Variants in CNOT2 observed in about 807,000 individuals in gnomAD.
CNOT2 encodes CCR4-NOT transcription complex subunit 2.
A neutral mutation model predicts 72.1 loss-of-function variants in CNOT2; 7 were observed. The observed-to-expected ratio is 0.10, with a 90% CI of 0.06 to 0.18. The LOEUF is 0.18. CNOT2 is among the 10% of genes least tolerant of loss of function. CNOT2 has a pLI of 1.00. For synonymous variants in CNOT2, 196 were observed against 225.6 expected (o/e 0.87, Z 1.17); for missense variants, 345 against 660.3 (o/e 0.52, Z 5.23).
chr12:70,272,648 C>A (rs997345420), intron 1 of CNOT2, among the ~76,000 whole-genome samples: 1 of 152,164 alleles, frequency 6.6e-6, no homozygotes, highest in African/African-American at 2.4e-5. Flanking sequence ...TCTACCTATA[C>A]TGTTCCTGCA....
intron 4 of CNOT2, among the ~76,000 whole-genome samples, chr12:70,319,852 T>C (rs1877992280): frequency 6.6e-6 from 1 of 151,704 alleles, no homozygotes; most frequent in Non-Finnish European, 1.5e-5. Flanking sequence ...AGTCTGGATA[T>C]AGAATCTAGA....
At chr12:70,277,997 G>T (rs555654027) in intron 1 of CNOT2, 135 bp from the exon 2 acceptor site, 2 of 404,926 alleles carry the variant, frequency 4.9e-6, no homozygotes, top group Non-Finnish European at 8.8e-6. Flanking sequence ...CGCGAAAATG[G>T]TTACGAGGAA....
chr12:70,283,658 A>T (rs199969538), intron 2 of CNOT2, among the ~76,000 whole-genome samples: 1 of 138,674 alleles, frequency 7.2e-6, no homozygotes, highest in Admixed American at 7.9e-5. Flanking sequence ...AAAAAAAAAA[A>T]AAAAAAAAAG....
intron 2 of CNOT2, among the ~76,000 whole-genome samples, chr12:70,305,805 A>T (rs1875195261): frequency 6.8e-6 from 1 of 147,180 alleles, no homozygotes; most frequent in Non-Finnish European, 1.5e-5. Context: ...ATTGCCATTC[A>T]TCCTGCCTGT....
chr12:70,306,155 AATTTT>A (rs1231292966), intron 2 of CNOT2, among the ~76,000 whole-genome samples: 1 of 151,666 alleles, frequency 6.6e-6, no homozygotes, highest in Admixed American at 6.6e-5. Flanking sequence ...TTTTTAATTT[AATTTT>A]ATTTTATTTT....
At chr12:70,284,049 C>G (rs996663905) in intron 2 of CNOT2, among the ~76,000 whole-genome samples, 2 of 145,352 alleles carry the variant, frequency 1.4e-5, no homozygotes, top group East Asian at 4.2e-4. Context: ...TGAAGCGATT[C>G]TCCTGCCTCA....
At chr12:70,293,970 A>G (rs1231341860) in intron 2 of CNOT2, 3 of 331,152 alleles carry the variant, frequency 9.1e-6, no homozygotes, top group Non-Finnish European at 1.8e-5. Context: ...AGTCTGAAAG[A>G]TGAATCTGGG....
At chr12:70,351,293 T>C (rs1241246900) in intron 15 of CNOT2, among the ~76,000 whole-genome samples, 1 of 152,172 alleles carries the variant, frequency 6.6e-6, no homozygotes, top group Non-Finnish European at 1.5e-5. Context: ...GGTAGTAGTA[T>C]ACAAAGTAGA....
rs773809128 is a variant in CNOT2, at chr12:70,338,856, AAT to A, written c.1178+36_1178+37del. On this transcript the variant is annotated intron_variant, in intron 11 of 15. Transcript: ENST00000229195. ...TTTCTGTTTTTCCATGTCTGTATAT[AAT>A]ACCTCTTCAGACTTCCAGTTTTTAA... 18 of 1,567,202 alleles carry A rather than the reference AAT, an allele frequency of 1.1e-5. No homozygotes were observed. In the Admixed American group the frequency reaches 3.1e-4, roughly 27 times the overall value.
intron 2 of CNOT2, chr12:70,278,552 ATG>A (rs1223885402): frequency 2.9e-6 from 1 of 348,956 alleles, no homozygotes; most frequent in Non-Finnish European, 5.2e-6. Context: ...TTATGACTTC[ATG>A]ACTGAATTCA....
At chr12:70,330,180 TTTGAAAG>T in intron 5 of CNOT2, 100 bp from the exon 6 acceptor site, 1 of 542,780 alleles carries the variant, frequency 1.8e-6, no homozygotes, top group African/African-American at 1.9e-5. Context: ...AGAACTGCAA[TTTGAAAG>T]TATATTTGAG....
intron 1 of CNOT2, among the ~76,000 whole-genome samples, chr12:70,251,461 A>G (rs932582026): frequency 2.0e-5 from 3 of 152,290 alleles, no homozygotes; most frequent in Non-Finnish European, 1.5e-5. Context: ...GGGACCTCAT[A>G]GGAGAAGTTA....
Position 70,338,731 on chromosome 12 carries a change from T to G in CNOT2, c.1087T>G (p.Phe363Val). 1.2e-6 allele frequency: 2 copies of G among 1,612,722 alleles called. No individual in the cohort carries two copies. The highest frequency in any genetic ancestry group is 1.7e-6 in the Non-Finnish European group (2 of 1,178,822). ...DQFGMIGLLT[F>V]IRAAETDPGM... ...ATTTGGAATGATTGGCCTGTTAACA[T>G]TTATCAGGGCAGCAGAGACAGACCC... The change falls in exon 11 of 16, where the codon TTT becomes GTT. Residue 363 changes from phenylalanine (F) to valine (V), a missense_variant. This residue lies in a region of CNOT2 where 128 missense variants were observed against 233.0 expected (regional missense o/e 0.55). Coordinates refer to ENST00000229195, the MANE Select transcript of CNOT2 (RefSeq NM_014515.7).
At chr12:70,262,530 C>T (rs904260918) in intron 1 of CNOT2, among the ~76,000 whole-genome samples, 1 of 152,218 alleles carries the variant, frequency 6.6e-6, no homozygotes, top group African/African-American at 2.4e-5. Flanking sequence ...CTGCCTTGGC[C>T]TCCCAAAGTG....
chr12:70,286,836 A>G (rs1285694244), intron 2 of CNOT2, among the ~76,000 whole-genome samples: 4 of 150,948 alleles, frequency 2.6e-5, no homozygotes, highest in Non-Finnish European at 5.9e-5. Flanking sequence ...AAGTTTATGT[A>G]TTCTTTCATG....
Position 70,285,638 on chromosome 12 carries a change from A to G in CNOT2, c.48+7364A>G, listed in dbSNP as rs547399330. ...TCTTTCTGAATTTCCACATAAAAATAGAACCAGCTAGACAGCAAAACTAAA... is the reference window on the plus strand; with the variant it reads ...TCTTTCTGAATTTCCACATAAAAATGGAACCAGCTAGACAGCAAAACTAAA... On this transcript the variant is annotated intron_variant, in intron 2 of 15. Transcript: ENST00000229195. The G allele has an allele frequency of 3.7e-4, 57 of 152,130 alleles. 1 individual carries two copies. The highest frequency in any genetic ancestry group is 1.3e-3 in the African/African-American group (52 of 41,502). The allele number at this position is 152,130 out of a possible 1,614,324, so 9.4% of individuals were successfully genotyped here.
chr12:70,339,070 GTGTGTGTA>G (rs1401250509), intron 11 of CNOT2, among the ~76,000 whole-genome samples: 1 of 129,486 alleles, frequency 7.7e-6, no homozygotes, highest in East Asian at 4.2e-4. Context: ...GTATATATGT[GTGTGTGTA>G]TATATATATA....
chr12:70,300,230 C>A (rs1873666092), intron 2 of CNOT2, among the ~76,000 whole-genome samples: 1 of 152,052 alleles, frequency 6.6e-6, no homozygotes, highest in Non-Finnish European at 1.5e-5. Flanking sequence ...TTAATTAGAT[C>A]CCATTTGTCA....
upstream of CNOT2, chr12:70,243,403 G>A (rs1322607387): frequency 2.0e-5 from 3 of 152,764 alleles, no homozygotes; most frequent in South Asian, 2.1e-4. Flanking sequence ...GCGGTCAGAG[G>A]GTAAAGGTCT....
Sources: gnomAD v4.1 joint callset for allele counts (sites outside exome capture counted in the v4.1 genomes callset) on GRCh38, gnomAD v4.1.1 for gene constraint, gnomAD v4.1.1 regional missense constraint, MANE v1.5 for transcripts, NCBI Gene and HGNC (gene_info 2026-07-23, HGNC 2026-07-21) for gene names.